SPATS2: variants seen among roughly 807,000 people sequenced by gnomAD.
SPATS2 encodes spermatogenesis associated serine rich 2.
A neutral mutation model predicts 63.7 loss-of-function variants in SPATS2; 38 were observed. That is an observed-to-expected ratio of 0.60 (90% CI 0.46 to 0.78). SPATS2 has a LOEUF of 0.78. Ranked by LOEUF, SPATS2 falls within the 30% of genes least tolerant of loss-of-function variation. The pLI is 0.00. For missense variants in SPATS2, 588 were observed against 666.2 expected (o/e 0.88, Z 1.29); for synonymous variants, 207 against 232.9 (o/e 0.89, Z 1.01).
At chr12:49,501,417 C>T (rs976555774) in intron 9 of SPATS2, among the ~76,000 whole-genome samples, 3 of 152,064 alleles carry the variant, frequency 2.0e-5, no homozygotes, top group African/African-American at 4.8e-5. Context: ...AAAATTAATT[C>T]ATTTGTGGGA....
chr12:49,516,205 AT>A (rs1474095078), intron 10 of SPATS2, among the ~76,000 whole-genome samples: 1 of 104,544 alleles, frequency 9.6e-6, no homozygotes, highest in African/African-American at 3.6e-5. Context: ...ATATATATAT[AT>A]ATAAATCAGG....
chr12:49,419,090 G>A (rs887995030), intron 2 of SPATS2, among the ~76,000 whole-genome samples: 3 of 152,160 alleles, frequency 2.0e-5, no homozygotes, highest in African/African-American at 7.2e-5. Context: ...GAGTGGTTTG[G>A]AGGGAGTAGG....
intron 2 of SPATS2, among the ~76,000 whole-genome samples, chr12:49,411,434 T>G (rs987626249): frequency 5.9e-5 from 9 of 152,268 alleles, no homozygotes; most frequent in African/African-American, 2.2e-4. Context: ...AAATGAAGCA[T>G]TATGTGCCAT....
At position 49,486,405 on chromosome 12, in the gene SPATS2, A is replaced by G. The variant is rs943912498; in HGVS notation, c.105+1736A>G. On this transcript the variant is annotated intron_variant, in intron 4 of 13. Transcript: ENST00000552918. Reference sequence around the variant, plus strand: ...TATTTTTAGTAGAGAGGGTGTCACCATGTTAGCCAGGATGGTCTCAATCTC... The same window carrying G: ...TATTTTTAGTAGAGAGGGTGTCACCGTGTTAGCCAGGATGGTCTCAATCTC... 8 of 295,134 alleles carry G rather than the reference A, an allele frequency of 2.7e-5. No homozygotes were observed. The East Asian group carries it at 7.4e-4, about 27-fold the overall frequency. 18.3% of individuals were successfully genotyped at this position (295,134 alleles called of 1,614,324 possible).
chr12:49,461,341 T>C (rs1214062376), intron 3 of SPATS2: 1 of 261,986 alleles, frequency 3.8e-6, no homozygotes, highest in Non-Finnish European at 7.1e-6. Context: ...TATTCTATGT[T>C]GTTTGAGTTG....
At chr12:49,503,517 C>T (rs1490110178) in intron 9 of SPATS2, among the ~76,000 whole-genome samples, 14 of 151,322 alleles carry the variant, frequency 9.3e-5, no homozygotes, top group Non-Finnish European at 1.5e-4. Context: ...GGCGTGGTGG[C>T]GGGCGCCTGT....
chr12:49,511,566 TAG>T (rs1036514083), intron 9 of SPATS2, among the ~76,000 whole-genome samples: 15 of 152,140 alleles, frequency 9.9e-5, no homozygotes, highest in Admixed American at 9.2e-4. Flanking sequence ...AGCAAGGTAA[TAG>T]AGAGTCTGAA....
chr12:49,404,980 C>T (rs1386596100), intron 2 of SPATS2, among the ~76,000 whole-genome samples: 3 of 146,180 alleles, frequency 2.1e-5, no homozygotes, highest in Non-Finnish European at 4.4e-5. Flanking sequence ...CACAACCATG[C>T]TCATTTTTTT....
At chr12:49,504,708 A>AT (rs1946625286) in intron 9 of SPATS2, among the ~76,000 whole-genome samples, 1 of 135,922 alleles carries the variant, frequency 7.4e-6, no homozygotes. Context: ...ATTTTTCCTG[A>AT]TTCCTCTATG....
At chr12:49,507,754 C>CA (rs1946677710) in intron 9 of SPATS2, among the ~76,000 whole-genome samples, 1 of 152,226 alleles carries the variant, frequency 6.6e-6, no homozygotes, top group Middle Eastern at 3.4e-3. Flanking sequence ...TTCATAACTG[C>CA]CTACACTGTG....
chr12:49,510,683 G>A lies in SPATS2; in HGVS notation c.840-3872G>A, dbSNP rs890658341. ...CTTGAAATAATTGACCTGTGGAATT[G>A]TCAAGAGTTGTGTTTCCATTTTAAT... is the stretch of plus-strand genomic sequence containing the variant. On this transcript the variant is annotated intron_variant, in intron 9 of 13. Transcript: ENST00000552918. Among the ~76,000 whole-genome samples the A allele has an allele frequency of 4.6e-5, 7 of 151,844 alleles. No individual in the cohort carries two copies. In the South Asian group the frequency reaches 1.2e-3, roughly 27 times the overall value.
intron 3 of SPATS2, among the ~76,000 whole-genome samples, chr12:49,471,586 C>T (rs112925286): frequency 0.011 from 1,620 of 152,262 alleles, 27 homozygotes; most frequent in African/African-American, 0.037. Context: ...CCTGGCTTGG[C>T]CTCCCAAAGT....
intron 9 of SPATS2, among the ~76,000 whole-genome samples, chr12:49,512,465 G>T (rs1396962850): frequency 6.6e-6 from 1 of 151,800 alleles, no homozygotes; most frequent in African/African-American, 2.4e-5. Flanking sequence ...TTATATGGTT[G>T]TCCATGCACA....
At chr12:49,508,028 T>C (rs1442896639) in intron 9 of SPATS2, among the ~76,000 whole-genome samples, 1 of 152,238 alleles carries the variant, frequency 6.6e-6, no homozygotes, top group African/African-American at 2.4e-5. Flanking sequence ...GTTCATGTTA[T>C]AGGTGAGAAA....
At chr12:49,428,547 C>G (rs1945124990) in intron 2 of SPATS2, among the ~76,000 whole-genome samples, 1 of 152,170 alleles carries the variant, frequency 6.6e-6, no homozygotes, top group Non-Finnish European at 1.5e-5. Flanking sequence ...TTGTGACTGG[C>G]TTATTTCACT....
chr12:49,437,675 G>A (rs1054215302), intron 2 of SPATS2, among the ~76,000 whole-genome samples: 22 of 152,236 alleles, frequency 1.4e-4, no homozygotes, highest in Middle Eastern at 3.4e-3. Context: ...AAAAAAATAC[G>A]AAAACCAGTC....
chr12:49,455,467 GCA>G (rs1945703422), intron 2 of SPATS2, among the ~76,000 whole-genome samples: 1 of 152,204 alleles, frequency 6.6e-6, no homozygotes, highest in Non-Finnish European at 1.5e-5. Context: ...GAGTTCAGTG[GCA>G]CAGTCATGGC....
At chr12:49,420,556 C>T (rs1049760565) in intron 2 of SPATS2, among the ~76,000 whole-genome samples, 2 of 151,854 alleles carry the variant, frequency 1.3e-5, no homozygotes, top group African/African-American at 4.8e-5. Context: ...GCACTCCAGC[C>T]TGGGTGACGG....
chr12:49,367,065 G>A (rs1316527584), upstream of SPATS2: 2 of 152,382 alleles, frequency 1.3e-5, no homozygotes, highest in Non-Finnish European at 2.9e-5. Flanking sequence ...CGGACGGTGC[G>A]AGACGCGAGG....
Sources: allele counts gnomAD v4.1 joint callset (sites outside exome capture counted in the v4.1 genomes callset), GRCh38; gene constraint gnomAD v4.1.1; transcripts MANE v1.5; gene names NCBI Gene and HGNC (gene_info 2026-07-23, HGNC 2026-07-21).